GULP1: variants seen among roughly 807,000 people sequenced by gnomAD.
GULP1 encodes the protein PTB domain-containing engulfment adapter protein 1.
GULP1 carries 19 observed loss-of-function variants against 40.9 expected under a neutral mutation model. The observed-to-expected ratio is 0.46, with a 90% CI of 0.32 to 0.68. The LOEUF (loss-of-function observed/expected upper bound fraction) is 0.68, where lower values mean the gene tolerates loss of function less well. Among genes scored for constraint, GULP1 ranks in the 30% least tolerant of loss-of-function variants. The pLI, the probability that GULP1 is intolerant of heterozygous loss-of-function variation, is 0.03. For synonymous variants in GULP1, 119 were observed against 117.6 expected (o/e 1.01, Z -0.08); for missense variants, 312 against 362.2 (o/e 0.86, Z 1.12).
intron 1 of GULP1, among the ~76,000 whole-genome samples, chr2:188,363,314 T>C (rs891249364): frequency 1.3e-5 from 2 of 151,902 alleles, no homozygotes; most frequent in Non-Finnish European, 1.5e-5. Context: ...GTAGATGTTA[T>C]GCAATAATTT....
chr2:188,541,258 C>A lies in GULP1; in HGVS notation c.339C>A (p.Phe113Leu), dbSNP rs757130717. ...DDKTDKRIFT[F>L]ICKDSESNKH... ...AAACTGACAAGAGGATATTCACTTT[C>A]ATATGCAAAGATTCTGAGTCAAATA... is the stretch of plus-strand genomic sequence containing the variant. Residue 113 changes from phenylalanine to leucine, a missense_variant, in exon 7 of 12, where the codon TTC (phenylalanine) becomes TTA (leucine). Phe to Leu is a conservative substitution (Grantham distance 22). Transcript: ENST00000409830. The A allele has an allele frequency of 6.2e-7, 1 of 1,611,004 alleles. No homozygotes were observed.
At chr2:188,571,386 G>A (rs1157716337) in intron 9 of GULP1, among the ~76,000 whole-genome samples, 4 of 152,026 alleles carry the variant, frequency 2.6e-5, no homozygotes, top group South Asian at 2.1e-4. Context: ...CTGGAAATGG[G>A]TCAAAAAATG....
chr2:188,400,832 A>C (rs2052140567), intron 2 of GULP1, among the ~76,000 whole-genome samples: 1 of 152,042 alleles, frequency 6.6e-6, no homozygotes, highest in Admixed American at 6.6e-5. Context: ...AGGATGCTAG[A>C]GGAATCACAT....
At chr2:188,336,870 A>T (rs1470999431) in intron 1 of GULP1, among the ~76,000 whole-genome samples, 2 of 152,202 alleles carry the variant, frequency 1.3e-5, no homozygotes, top group Non-Finnish European at 2.9e-5. Flanking sequence ...ATGGACTTAT[A>T]GTCAATGGTT....
chr2:188,435,017 T>C (rs1392386992), intron 2 of GULP1, among the ~76,000 whole-genome samples: 2 of 152,076 alleles, frequency 1.3e-5, no homozygotes, highest in African/African-American at 4.8e-5. Context: ...ATATCTTTTC[T>C]ATATTTATAA....
At chr2:188,588,208 A>G in intron 11 of GULP1, 1 of 428,210 alleles carries the variant, frequency 2.3e-6, no homozygotes, top group Non-Finnish European at 4.4e-6. Flanking sequence ...ACAAAATGGC[A>G]TGGATTCTAA....
intron 1 of GULP1, among the ~76,000 whole-genome samples, chr2:188,301,111 C>A (rs1359501766): frequency 6.6e-6 from 1 of 152,146 alleles, no homozygotes; most frequent in Non-Finnish European, 1.5e-5. Flanking sequence ...AACTCCTGGA[C>A]TCAAGTAATC....
chr2:188,491,065 T>C (rs536197074), intron 4 of GULP1, among the ~76,000 whole-genome samples: 11 of 152,150 alleles, frequency 7.2e-5, no homozygotes, highest in African/African-American at 2.6e-4. Flanking sequence ...CCCAAAGTGC[T>C]GGGATTACAG....
intron 2 of GULP1, among the ~76,000 whole-genome samples, chr2:188,416,364 G>T (rs946393495): frequency 2.6e-5 from 4 of 152,140 alleles, no homozygotes; most frequent in African/African-American, 7.2e-5. Context: ...AAAAATCATT[G>T]AATTGTACAT....
intron 1 of GULP1, among the ~76,000 whole-genome samples, chr2:188,334,848 C>G (rs769049856): frequency 6.6e-6 from 1 of 152,062 alleles, no homozygotes; most frequent in Non-Finnish European, 1.5e-5. Context: ...CTCTGTCTAG[C>G]AAGAGAGAAA....
chr2:188,373,736 AGAATT>A (rs2047925323), intron 1 of GULP1, among the ~76,000 whole-genome samples: 1 of 152,022 alleles, frequency 6.6e-6, no homozygotes, highest in Non-Finnish European at 1.5e-5. Flanking sequence ...TTATTAGAGT[AGAATT>A]GAATTGGAAT....
At chr2:188,452,270 A>G (rs1015850219) in intron 2 of GULP1, among the ~76,000 whole-genome samples, 25 of 152,194 alleles carry the variant, frequency 1.6e-4, no homozygotes, top group African/African-American at 5.5e-4. Context: ...GTTTATTTCC[A>G]TAGATGAATC....
chr2:188,477,767 CCAATG>C, intron 3 of GULP1, 37 bp downstream of exon 3: 1 of 1,511,166 alleles, frequency 6.6e-7, no homozygotes, highest in Non-Finnish European at 9.1e-7. Flanking sequence ...GGGAGTCAAG[CCAATG>C]TTGCTATGAA....
chr2:188,499,716 C>A (rs2063247955), intron 4 of GULP1, among the ~76,000 whole-genome samples: 1 of 151,566 alleles, frequency 6.6e-6, no homozygotes, highest in African/African-American at 2.4e-5. Context: ...TAATGTTTTT[C>A]TTTTTTACTC....
At chr2:188,519,445 C>T (rs1488287794) in intron 4 of GULP1, among the ~76,000 whole-genome samples, 3 of 152,258 alleles carry the variant, frequency 2.0e-5, no homozygotes, top group African/African-American at 4.8e-5. Context: ...TACTGATAGA[C>T]CAGACCCTTC....
chr2:188,593,102 G>A (rs1703904166), intron 11 of GULP1: 1 of 152,020 alleles, frequency 6.6e-6, no homozygotes, highest in African/African-American at 2.4e-5. Flanking sequence ...ATCAGTGCAA[G>A]TCTGTGCTTT....
intron 2 of GULP1, among the ~76,000 whole-genome samples, chr2:188,475,685 A>G (rs1481060693): frequency 1.3e-5 from 2 of 152,050 alleles, no homozygotes; most frequent in South Asian, 4.1e-4. Context: ...TGCATATATT[A>G]CGTTCTTTTT....
rs773746742 is a variant in GULP1 at position 188,352,608 on chromosome 2, T to TCCCACACACA, written c.-171-31154_-171-31153insCCACACACAC. Among the ~76,000 whole-genome samples, 16 of 43,440 alleles carry TCCCACACACA rather than the reference T, an allele frequency of 3.7e-4. No homozygotes were observed. The East Asian group carries it at 9.9e-3, about 27-fold the overall frequency. 28.5% of individuals were successfully genotyped at this position (43,440 alleles called of 152,430 possible). ...CACTTGTTCTTGCTCTCTTTCTCTC[T>TCCCACACACA]CTCTCTCTCTCACACACACACACAC... On this transcript the variant is annotated intron_variant, in intron 1 of 11. Coordinates refer to ENST00000409830, the MANE Select transcript of GULP1 (RefSeq NM_016315.4).
At chr2:188,344,346 T>C (rs528340674) in intron 1 of GULP1, among the ~76,000 whole-genome samples, 1 of 152,326 alleles carries the variant, frequency 6.6e-6, no homozygotes, top group Non-Finnish European at 1.5e-5. Context: ...GTAGGTGTGG[T>C]TGACACTTCG....
Sources: gnomAD v4.1 joint callset for allele counts (sites outside exome capture counted in the v4.1 genomes callset) on GRCh38, gnomAD v4.1.1 for gene constraint, MANE v1.5 for transcripts, NCBI Gene and HGNC (gene_info 2026-07-23, HGNC 2026-07-21) for gene names.